Variants in ADCY3 observed in about 807,000 individuals in gnomAD.
ADCY3 encodes adenylate cyclase type 3.
A neutral mutation model predicts 119.4 loss-of-function variants in ADCY3; 70 were observed. The observed-to-expected ratio is 0.59, with a 90% CI of 0.48 to 0.72. ADCY3 has a LOEUF of 0.72. ADCY3 is among the 30% of genes least tolerant of loss of function. ADCY3 has a pLI of 0.00. For synonymous variants in ADCY3, 672 were observed against 621.4 expected (o/e 1.08, Z -1.21); for missense variants, 1,238 against 1,541.6 (o/e 0.80, Z 3.30).
chr2:24,846,423 G>A (rs545211033), intron 3 of ADCY3, among the ~76,000 whole-genome samples: 1 of 152,288 alleles, frequency 6.6e-6, no homozygotes, highest in South Asian at 2.1e-4. Context: ...TCATTTTGGA[G>A]CTTTAAAATT....
intron 3 of ADCY3, among the ~76,000 whole-genome samples, chr2:24,862,352 C>T (rs902579791): frequency 4.6e-5 from 7 of 152,180 alleles, no homozygotes; most frequent in Admixed American, 4.6e-4. Context: ...CGAGACCATC[C>T]TGGCTAACAC....
At chr2:24,900,335 ACT>A (rs1306778963) in intron 2 of ADCY3, among the ~76,000 whole-genome samples, 2 of 134,428 alleles carry the variant, frequency 1.5e-5, no homozygotes, top group Non-Finnish European at 3.2e-5. Flanking sequence ...AAAGAGCCAG[ACT>A]CTGTCTCAAA....
chr2:24,840,566 G>T (rs549515523), intron 6 of ADCY3: 2 of 468,088 alleles, frequency 4.3e-6, no homozygotes, highest in Admixed American at 2.4e-5. Context: ...CTCGGAGAAG[G>T]GGGTAAAGAG....
chr2:24,864,573 A>G (rs1329561787), intron 3 of ADCY3, among the ~76,000 whole-genome samples: 1 of 152,244 alleles, frequency 6.6e-6, no homozygotes, highest in Non-Finnish European at 1.5e-5. Flanking sequence ...CCGACGACAC[A>G]GAAGAACCTT....
chr2:24,918,948 C>T lies in ADCY3; in HGVS notation c.40G>A (p.Ala14Thr), dbSNP rs1344197563. ...ACGGAGTACTCGGCTGAGTACTCGGCCGAGTATTCGGGCTCGGAGAAGCCC... is the reference window on the plus strand; with the variant it reads ...ACGGAGTACTCGGCTGAGTACTCGGTCGAGTATTCGGGCTCGGAGAAGCCC... Reference protein sequence around the residue: ...NQGFSEPEYSAEYSAEYSVSL... With the variant: ...NQGFSEPEYSTEYSAEYSVSL... Residue 14 changes from alanine to threonine, a missense_variant, in exon 2 of 22, where the codon GCC becomes ACC. This residue lies in a region of ADCY3 where 227 missense variants were observed against 249.3 expected (regional missense o/e 0.91). Transcript: ENST00000679454. The surrounding 1 kb of genome is among the most constrained non-coding windows in gnomAD (Gnocchi z 5.4). 6.2e-7 allele frequency: 1 copy of T among 1,607,784 alleles called. No individual in the cohort carries two copies.
At chr2:24,852,598 A>C (rs1222227397) in intron 3 of ADCY3, among the ~76,000 whole-genome samples, 1 of 152,244 alleles carries the variant, frequency 6.6e-6, no homozygotes, top group Non-Finnish European at 1.5e-5. Flanking sequence ...GTACTCAGAA[A>C]GTACTCAACT....
In ADCY3 at chr2:24,834,651, A is replaced by G; in HGVS notation, c.1806-5T>C. ...AAGGTGTTTCTCTTCTTTACTCTGC[A>G]GTGGGAACAAGCCCCATGAATCCCA... On this transcript the variant is annotated splice_polypyrimidine_tract_variant and splice_region_variant and intron_variant, in intron 10 of 21. Transcript: ENST00000679454. This position sits in a 1 kb window ranked among gnomAD's most constrained non-coding sequence, Gnocchi z 4.2. The G allele has an allele frequency of 6.2e-7, 1 of 1,613,556 alleles. No individual in the cohort carries two copies. The highest frequency in any genetic ancestry group is 1.1e-5 in the South Asian group (1 of 91,076).
chr2:24,850,986 G>A (rs768919620), intron 3 of ADCY3, among the ~76,000 whole-genome samples: 1 of 152,184 alleles, frequency 6.6e-6, no homozygotes, highest in Non-Finnish European at 1.5e-5. Flanking sequence ...ACCGAATTAG[G>A]GAAAACCTGA....
Position 24,837,044 on chromosome 2 carries a change from G to A in ADCY3, c.1535C>T (p.Ala512Val), listed in dbSNP as rs1365834839. The change falls in exon 9 of 22, where the codon GCC becomes GTC. Residue 512 changes from alanine (A) to valine (V), a missense_variant and splice_region_variant. By Grantham distance (64) the Ala-to-Val change is moderately conservative (BLOSUM62 0). This residue lies in a region of ADCY3 where 499 missense variants were observed against 571.0 expected (regional missense o/e 0.87). Coordinates refer to ENST00000679454, the MANE Select transcript of ADCY3 (RefSeq NM_004036.5). ...GGAAGCTGGTGCTCCATTGGGCAGGGCCTAGAGGAAAGGAGAGCTCAGCCA... is the reference window on the plus strand; with the variant it reads ...GGAAGCTGGTGCTCCATTGGGCAGGACCTAGAGGAAAGGAGAGCTCAGCCA... ...TATQNGLNGSALPNGAPASSK... is the reference protein window; with the variant it reads ...TATQNGLNGSVLPNGAPASSK... 6.2e-7 allele frequency: 1 copy of A among 1,613,790 alleles called. No homozygotes were observed.
intron 3 of ADCY3, among the ~76,000 whole-genome samples, chr2:24,849,032 C>T (rs1257264939): frequency 6.6e-6 from 1 of 152,182 alleles, no homozygotes; most frequent in Non-Finnish European, 1.5e-5. Context: ...CATGGGGAGG[C>T]GTGGTCAGGT....
In ADCY3 at chr2:24,888,689, T is replaced by A. The variant is rs1338314416; in HGVS notation, c.676-15970A>T. ...GGCAATTAGTATTTCTTGGCTCATATGTATATATGTATTTTATTTTACCAA... is the reference window on the plus strand; with the variant it reads ...GGCAATTAGTATTTCTTGGCTCATAAGTATATATGTATTTTATTTTACCAA... On this transcript the variant is annotated intron_variant, in intron 2 of 21. Transcript: ENST00000679454. Among the ~76,000 whole-genome samples, 4 of 152,248 alleles carry A rather than the reference T, an allele frequency of 2.6e-5. No individual in the cohort carries two copies. The East Asian group carries it at 7.7e-4, about 29-fold the overall frequency.
chr2:24,874,973 T>C (rs928573755), intron 2 of ADCY3, among the ~76,000 whole-genome samples: 7 of 152,056 alleles, frequency 4.6e-5, no homozygotes, highest in Admixed American at 1.3e-4. Flanking sequence ...TGGTGTGAAG[T>C]TTTTCTGAGA....
intron 13 of ADCY3, 126 bp downstream of exon 13, chr2:24,830,583 T>G (rs769238941): frequency 7.2e-5 from 51 of 707,964 alleles, no homozygotes; most frequent in Non-Finnish European, 1.1e-4. Context: ...TTTGGGAACC[T>G]AAGAGCCACT....
intron 2 of ADCY3, chr2:24,877,773 C>A (rs1179666853): frequency 4.8e-6 from 2 of 415,426 alleles, no homozygotes; most frequent in Non-Finnish European, 9.8e-6. Flanking sequence ...CACACACAGG[C>A]ACCATCTGAC....
At position 24,842,728 on chromosome 2, in the gene ADCY3, A is replaced by C. The variant is rs930726016; in HGVS notation, c.826-344T>G. 4 of 300,904 alleles carry C rather than the reference A, an allele frequency of 1.3e-5. No individual in the cohort carries two copies. The highest frequency in any genetic ancestry group is 8.5e-5 in the African/African-American group (4 of 46,874). 18.6% of individuals were successfully genotyped at this position (300,904 alleles called of 1,614,324 possible). A position where few individuals can be genotyped will look rare whatever the true frequency, so the allele number is the denominator to read the frequency against. On this transcript the variant is annotated intron_variant, in intron 3 of 21. Transcript: ENST00000679454. This position sits in a 1 kb window ranked among gnomAD's most constrained non-coding sequence, Gnocchi z 4.9. ...CTGCACCGTGAGCCCTCCCGGCAGG[A>C]GCCCTGCGGGGTCACCTCAGCCACC...
chr2:24,910,278 T>C (rs369898387), intron 2 of ADCY3, among the ~76,000 whole-genome samples: 2 of 152,176 alleles, frequency 1.3e-5, no homozygotes, highest in Admixed American at 6.6e-5. Context: ...TCATGGCTCA[T>C]TGCAGCATCC....
chr2:24,859,383 G>A (rs932849502), intron 3 of ADCY3, among the ~76,000 whole-genome samples: 26 of 152,288 alleles, frequency 1.7e-4, no homozygotes, highest in African/African-American at 6.3e-4. Context: ...CGACCTCACT[G>A]TTGCCAGGAT....
intron 18 of ADCY3, 118 bp from the exon 19 acceptor site, chr2:24,822,748 A>C: frequency 1.5e-6 from 2 of 1,372,932 alleles, no homozygotes; most frequent in Non-Finnish European, 2.0e-6. Flanking sequence ...CTTTCCTATC[A>C]AAGTTGTTAC....
chr2:24,831,815 A>G, intron 11 of ADCY3, 66 bp from the exon 12 acceptor site: 1 of 620,184 alleles, frequency 1.6e-6, no homozygotes, highest in South Asian at 1.6e-5. Flanking sequence ...AGGGGCTAGG[A>G]GAGGAAGGGA....
Sources: gnomAD v4.1 joint callset for allele counts (sites outside exome capture counted in the v4.1 genomes callset) on GRCh38, gnomAD v4.1.1 for gene constraint, gnomAD v4.1.1 regional missense constraint, Gnocchi (gnomAD v3.1) non-coding constraint, MANE v1.5 for transcripts, NCBI Gene and HGNC (gene_info 2026-07-23, HGNC 2026-07-21) for gene names.